KMT2E: variants seen among roughly 807,000 people sequenced by gnomAD.
The protein encoded by KMT2E is lysine methyltransferase 2E (inactive), also known as histone reader KMT2E.
KMT2E carries 30 observed loss-of-function variants against 184.6 expected under a neutral mutation model. The ratio of observed to expected loss-of-function variants is 0.16; its 90% CI spans 0.12 to 0.22. The LOEUF (loss-of-function observed/expected upper bound fraction) is 0.22, where lower values mean the gene tolerates loss of function less well. Among genes scored for constraint, KMT2E ranks in the 10% least tolerant of loss-of-function variants. The pLI is 1.00. For missense variants in KMT2E, 2,023 were observed against 2,237.4 expected, an observed-to-expected ratio of 0.90 and a Z score of 1.93; for synonymous variants, 815 against 776.5, an observed-to-expected ratio of 1.05 and a Z score of -0.82.
At chr7:105,033,229 TTC>T (rs1208464431) in intron 1 of KMT2E, among the ~76,000 whole-genome samples, 1 of 152,206 alleles carries the variant, frequency 6.6e-6, no homozygotes, top group Admixed American at 6.5e-5. Context: ...ATGCCTAGAT[TTC>T]TGTGTTAATA....
rs564381291 is a variant in KMT2E, at chr7:105,076,036, A to G, written c.730-7A>G. 3.1e-6 allele frequency: 5 copies of G among 1,588,570 alleles called. No homozygotes were observed. Among genetic ancestry groups the G allele is most frequent in the Middle Eastern group, 1.7e-4 (1 of 6,008 alleles). ...GGAAACTAACTAGAATTCCATGTTTATTTTAGGCATTTCGTGAAGGATCTA... is the reference window on the plus strand; with the variant it reads ...GGAAACTAACTAGAATTCCATGTTTGTTTTAGGCATTTCGTGAAGGATCTA... On this transcript the variant is annotated splice_polypyrimidine_tract_variant and splice_region_variant and intron_variant, in intron 8 of 26. Transcript: ENST00000311117.
chr7:105,017,969 C>A (rs775753644), intron 1 of KMT2E, among the ~76,000 whole-genome samples: 2 of 152,068 alleles, frequency 1.3e-5, no homozygotes, highest in Non-Finnish European at 2.9e-5. Context: ...GCCATATATG[C>A]CCCCAGTAAG....
chr7:105,111,591 T>C (rs1299402774), intron 26 of KMT2E, among the ~76,000 whole-genome samples: 4 of 152,112 alleles, frequency 2.6e-5, no homozygotes, highest in Non-Finnish European at 5.9e-5. Context: ...TCAACTTGTC[T>C]TCAATAAAAA....
In KMT2E at chr7:105,066,757, T is replaced by G; in HGVS notation, c.447T>G (p.Ile149Met). 1 of 1,613,036 alleles carries G rather than the reference T, an allele frequency of 6.2e-7. No individual in the cohort carries two copies. Among genetic ancestry groups the G allele is most frequent in the Non-Finnish European group, 8.5e-7 (1 of 1,179,426 alleles). ...GGCAACATATTGACTGCATGGGGAT[T>G]GATAGGCAGCATATTCCTGATACAT... ...SVWQHIDCMG[I>M]DRQHIPDTYL... The change falls in exon 6 of 27, where the codon ATT (isoleucine) becomes ATG (methionine). Residue 149 changes from isoleucine to methionine, a missense_variant. By Grantham distance (10) the Ile-to-Met change is conservative. This residue lies in a region of KMT2E where 30 missense variants were observed against 80.6 expected (regional missense o/e 0.37). Transcript: ENST00000311117.
chr7:105,051,095 TC>T (rs1386237279), intron 3 of KMT2E, among the ~76,000 whole-genome samples: 3 of 71,250 alleles, frequency 4.2e-5, no homozygotes, highest in Admixed American at 1.5e-4. Context: ...CTTTCTTTTT[TC>T]TCTCTCTCTC....
chr7:105,062,109 A>G (rs1460853624), intron 3 of KMT2E, 55 bp from the exon 4 acceptor site: 2 of 1,108,212 alleles, frequency 1.8e-6, no homozygotes, highest in Non-Finnish European at 1.4e-6. Context: ...AATTAAATTG[A>G]TTAAGAGGAA....
chr7:105,104,375 A>C (rs188414449), intron 17 of KMT2E: 50 of 152,262 alleles, frequency 3.3e-4, no homozygotes, highest in African/African-American at 1.2e-3. Flanking sequence ...AGGGATTGTC[A>C]ATGGTGACTT....
intron 13 of KMT2E, among the ~76,000 whole-genome samples, chr7:105,085,158 CTA>C (rs1284728800): frequency 1.5e-5 from 2 of 133,986 alleles, no homozygotes; most frequent in Admixed American, 7.1e-5. Flanking sequence ...CCATGTATAA[CTA>C]TAATGTGCAC....
intron 3 of KMT2E, among the ~76,000 whole-genome samples, chr7:105,044,312 C>G (rs1354431097): frequency 1.3e-5 from 2 of 152,082 alleles, no homozygotes; most frequent in Non-Finnish European, 2.9e-5. Flanking sequence ...AAATAGTACT[C>G]TGGTAAATTT....
At chr7:105,028,193 G>C (rs2129564371) in intron 1 of KMT2E, among the ~76,000 whole-genome samples, 1 of 150,200 alleles carries the variant, frequency 6.7e-6, no homozygotes, top group African/African-American at 2.4e-5. Context: ...TTGTGAGACA[G>C]AGTCTGGCTC....
At chr7:105,067,194 A>G (rs947706013) in intron 6 of KMT2E, among the ~76,000 whole-genome samples, 3 of 151,934 alleles carry the variant, frequency 2.0e-5, no homozygotes, top group African/African-American at 7.3e-5. Context: ...TGACAACTCT[A>G]AAATCAGGAA....
Position 105,066,723 on chromosome 7 carries a change from T to TA in KMT2E, c.417-2dup, listed in dbSNP as rs768141716. 20 of 1,600,248 alleles carry TA rather than the reference T, an allele frequency of 1.2e-5. No individual in the cohort carries two copies. Among genetic ancestry groups the TA allele is most frequent in the Non-Finnish European group, 1.5e-5 (18 of 1,170,430 alleles). The stretch of plus-strand genomic sequence containing the variant: ...TACATATGTTCTGCTTTTTTTTTTT[T>TA]AAGCGTTTGGCAACATATTGACTGC... On this transcript the variant is annotated splice_polypyrimidine_tract_variant and splice_region_variant and intron_variant, in intron 5 of 26. Transcript: ENST00000311117.
intron 3 of KMT2E, among the ~76,000 whole-genome samples, chr7:105,051,336 C>T (rs1193521770): frequency 6.6e-6 from 1 of 152,034 alleles, no homozygotes; most frequent in Non-Finnish European, 1.5e-5. Flanking sequence ...CAGGCATGCG[C>T]CATCATGCCC....
intron 5 of KMT2E, 52 bp from the exon 6 acceptor site, chr7:105,066,670 CTTAAT>C (rs1797038763): frequency 4.5e-6 from 6 of 1,341,812 alleles, no homozygotes; most frequent in South Asian, 1.2e-5. Flanking sequence ...AATATCAAAT[CTTAAT>C]TTAAGGATGA....
chr7:105,028,470 CTG>C (rs1584695469), intron 1 of KMT2E, among the ~76,000 whole-genome samples: 1 of 151,878 alleles, frequency 6.6e-6, no homozygotes, highest in East Asian at 1.9e-4. Context: ...CCAGTCGAGA[CTG>C]AGACATTTCT....
intron 13 of KMT2E, among the ~76,000 whole-genome samples, chr7:105,085,928 T>A (rs1448981767): frequency 6.6e-6 from 1 of 152,190 alleles, no homozygotes; most frequent in Non-Finnish European, 1.5e-5. Flanking sequence ...CGCCTCGGCC[T>A]CCCAAAGTGT....
At chr7:105,017,095 T>C (rs1220124310) in intron 1 of KMT2E, among the ~76,000 whole-genome samples, 1 of 152,220 alleles carries the variant, frequency 6.6e-6, no homozygotes, top group Non-Finnish European at 1.5e-5. Flanking sequence ...AGATTGTGCA[T>C]TTATTTTAAA....
chr7:105,077,165 A>G lies in KMT2E; in HGVS notation c.971A>G (p.Asn324Ser), dbSNP rs769036930. The G allele has an allele frequency of 6.8e-6, 11 of 1,614,002 alleles. No individual in the cohort carries two copies. The highest frequency in any genetic ancestry group is 9.3e-6 in the Non-Finnish European group (11 of 1,179,928). Residue 324 changes from asparagine to serine, a missense_variant, in exon 10 of 27, where the codon AAC becomes AGC. By Grantham distance (46) the Asn-to-Ser change is conservative. Coordinates refer to ENST00000311117, the MANE Select transcript of KMT2E (RefSeq NM_182931.3). ...ATGAATAAATCCGATTTGAATACCA[A>G]CAATTTGCTCTTCAAACCTCCTGTA... Reference protein sequence around the residue: ...KEMNKSDLNTNNLLFKPPVES... With the variant: ...KEMNKSDLNTSNLLFKPPVES...
At chr7:105,092,276 C>T (rs1235494313) in intron 15 of KMT2E, among the ~76,000 whole-genome samples, 1 of 152,082 alleles carries the variant, frequency 6.6e-6, no homozygotes, top group African/African-American at 2.4e-5. Flanking sequence ...ATTAGCCAGG[C>T]TTATATTCCC....
Sources: allele counts gnomAD v4.1 joint callset (sites outside exome capture counted in the v4.1 genomes callset), GRCh38; gene constraint gnomAD v4.1.1; regional missense constraint gnomAD v4.1.1; transcripts MANE v1.5; gene names NCBI Gene and HGNC (gene_info 2026-07-23, HGNC 2026-07-21).